Variants in HIVEP1 observed in about 807,000 individuals in gnomAD.
The protein encoded by HIVEP1 is zinc finger protein 40.
Under a neutral mutation model 180.0 loss-of-function variants are expected in HIVEP1, and 36 were observed. The observed-to-expected ratio is 0.20, with a 90% CI of 0.15 to 0.26. HIVEP1 has a LOEUF of 0.26. Among genes scored for constraint, HIVEP1 ranks in the 10% least tolerant of loss-of-function variants. The pLI, the probability that HIVEP1 is intolerant of heterozygous loss-of-function variation, is 1.00. For synonymous variants in HIVEP1, 1,239 were observed against 1,239.0 expected (o/e 1.00, Z 0.00); for missense variants, 3,143 against 3,268.7 (o/e 0.96, Z 0.94).
In HIVEP1 at chr6:12,120,928, A is replaced by T. The variant is rs185829506; in HGVS notation, c.1133A>T (p.His378Leu). 4 of 1,614,142 alleles carry T rather than the reference A, an allele frequency of 2.5e-6. No homozygotes were observed. The highest frequency in any genetic ancestry group is 3.4e-6 in the Non-Finnish European group (4 of 1,180,012). ...SPPMPIYNST[H>L]VASVVNQSVE... ...CCCATGCCAATCTATAATTCAACTC[A>T]TGTTGCCTCTGTTGTTAATCAAAGC... Residue 378 changes from histidine (H) to leucine (L), a missense_variant, in exon 4 of 9, where the codon CAT (histidine) becomes CTT (leucine). Transcript: ENST00000379388.
At chr6:12,127,580 A>C (rs1243261454) in intron 4 of HIVEP1, among the ~76,000 whole-genome samples, 2 of 152,268 alleles carry the variant, frequency 1.3e-5, no homozygotes, top group East Asian at 3.9e-4. Context: ...TAGAGTAGAG[A>C]TTCTTTTGTG....
intron 2 of HIVEP1, among the ~76,000 whole-genome samples, chr6:12,028,813 A>G (rs1015749973): frequency 7.2e-5 from 11 of 152,226 alleles, no homozygotes; most frequent in African/African-American, 2.4e-4. Flanking sequence ...GTCCAGTTTT[A>G]GAACATGTCT....
intron 6 of HIVEP1, 32 bp from the exon 7 acceptor site, chr6:12,135,759 C>A: frequency 1.4e-6 from 2 of 1,410,156 alleles, no homozygotes; most frequent in Non-Finnish European, 2.0e-6. Context: ...AATCATACTA[C>A]TTAAGCTTAG....
chr6:12,009,155 C>A (rs1279172014), upstream of HIVEP1, among the ~76,000 whole-genome samples: 1 of 143,952 alleles, frequency 6.9e-6, no homozygotes. Flanking sequence ...GCTGCCGGGC[C>A]GCGCGCTGGG....
At chr6:12,015,243 G>A (rs955597402) in intron 1 of HIVEP1, among the ~76,000 whole-genome samples, 3 of 152,190 alleles carry the variant, frequency 2.0e-5, no homozygotes, top group East Asian at 3.8e-4. Flanking sequence ...AGCCTGATGC[G>A]ATACTTTACT....
Position 12,138,583 on chromosome 6 carries a change from C to T in HIVEP1, c.6487+2691C>T, listed in dbSNP as rs532686989. On this transcript the variant is annotated intron_variant, in intron 7 of 8. Transcript: ENST00000379388. Reference sequence around the variant, plus strand: ...TGGCTCCTCCTCACCTCCCCAGCCTCTCACATAGGCCCCAGGGCTGTGGCC... The same window carrying T: ...TGGCTCCTCCTCACCTCCCCAGCCTTTCACATAGGCCCCAGGGCTGTGGCC... Among the ~76,000 whole-genome samples, 8 of 152,304 alleles carry T rather than the reference C, an allele frequency of 5.3e-5. No homozygotes were observed. The South Asian group carries it at 1.5e-3, about 28-fold the overall frequency.
intron 2 of HIVEP1, among the ~76,000 whole-genome samples, chr6:12,065,696 T>TGTGTGTGC (rs1561905171): frequency 7.0e-6 from 1 of 142,358 alleles, no homozygotes; most frequent in Non-Finnish European, 1.6e-5. Flanking sequence ...TGTGTGCGTG[T>TGTGTGTGC]GTGTGTGTGT....
chr6:12,047,533 GGCAGCCTAGGTCACATCGCGGGTCTC>G lies in HIVEP1; in HGVS notation c.40+31866_40+31891del, dbSNP rs1770220711. Among the ~76,000 whole-genome samples the G allele has an allele frequency of 5.3e-5, 8 of 152,358 alleles. No individual in the cohort carries two copies. In the South Asian group the frequency reaches 1.7e-3, roughly 32 times the overall value. Reference sequence around the variant, plus strand: ...GGGAGACAGGTTCATGGTAGCCCTGGGCAGCCTAGGTCACATCGCGGGTCTCACAGCCACTGGAGCAGAGGTGCTAC... The same window carrying G: ...GGGAGACAGGTTCATGGTAGCCCTGGACAGCCACTGGAGCAGAGGTGCTAC... On this transcript the variant is annotated intron_variant, in intron 2 of 8. Coordinates refer to ENST00000379388, the MANE Select transcript of HIVEP1 (RefSeq NM_002114.4).
intron 6 of HIVEP1, among the ~76,000 whole-genome samples, chr6:12,132,152 T>C (rs564888873): frequency 6.6e-6 from 1 of 152,294 alleles, no homozygotes; most frequent in African/African-American, 2.4e-5. Flanking sequence ...ATGTAGAACC[T>C]CCCTCTGTCA....
the HIVEP1 span, among the ~76,000 whole-genome samples, chr6:12,177,318 C>T: frequency 6.6e-6 from 1 of 152,020 alleles, no homozygotes; most frequent in East Asian, 1.9e-4. Context: ...ACCTAAAATA[C>T]AAGTTAAAAA....
chr6:12,184,228 C>T, the HIVEP1 span, among the ~76,000 whole-genome samples: 1 of 152,198 alleles, frequency 6.6e-6, no homozygotes, highest in Non-Finnish European at 1.5e-5. Flanking sequence ...GATTTTTGAT[C>T]TCTCAAAGCC....
At chr6:12,130,626 T>G in intron 5 of HIVEP1, 141 bp from the exon 6 acceptor site, 1 of 512,882 alleles carries the variant, frequency 1.9e-6, no homozygotes, top group Non-Finnish European at 3.5e-6. Context: ...GCTGGAATAT[T>G]CTGTTACACA....
At position 12,122,419 on chromosome 6, in the gene HIVEP1, A is replaced by G. The variant is rs762898920; in HGVS notation, c.2624A>G (p.Tyr875Cys). The G allele has an allele frequency of 1.9e-5, 30 of 1,614,106 alleles. No homozygotes were observed. The highest frequency in any genetic ancestry group is 9.9e-5 in the South Asian group (9 of 91,096). Residue 875 changes from tyrosine (Y) to cysteine (C), a missense_variant, in exon 4 of 9, where the codon TAT (tyrosine) becomes TGT (cysteine). Around this residue, in one of 12 missense-constraint regions of HIVEP1, gnomAD observed 204 missense variants for 243.7 expected, o/e 0.84. Transcript: ENST00000379388. ...TTTGATGACAAAATTGGCGCTTTCT[A>G]TGATGATGTCTTTGTATCGGGACCT... ...QSFDDKIGAF[Y>C]DDVFVSGPNA...
chr6:12,123,281 C>G lies in HIVEP1; in HGVS notation c.3486C>G (p.Phe1162Leu). ...TTGAAAGAGCCTCCCCAGTTTCTTT[C>G]CAGGAGCTGAATAGAACGGGGAAGT... ...EPFERASPVS[F>L]QELNRTGKSG... The change falls in exon 4 of 9, where the codon TTC becomes TTG. Residue 1162 changes from phenylalanine to leucine, a missense_variant. Phe to Leu is a conservative substitution (Grantham distance 22). Transcript: ENST00000379388. 1.2e-6 allele frequency: 2 copies of G among 1,614,166 alleles called. No individual in the cohort carries two copies. The highest frequency in any genetic ancestry group is 1.7e-6 in the Non-Finnish European group (2 of 1,180,032).
At chr6:12,170,718 C>T in the HIVEP1 span, among the ~76,000 whole-genome samples, 493 of 152,186 alleles carry the variant, frequency 3.2e-3, 3 homozygotes, top group African/African-American at 0.011. Flanking sequence ...ACGGTGGGCT[C>T]GTCAAGTGGA....
intron 2 of HIVEP1, among the ~76,000 whole-genome samples, chr6:12,060,516 G>A (rs566616333): frequency 6.6e-6 from 1 of 152,280 alleles, no homozygotes; most frequent in South Asian, 2.1e-4. Flanking sequence ...AAGAAACAAT[G>A]CATATTAAGT....
intron 3 of HIVEP1, among the ~76,000 whole-genome samples, chr6:12,104,012 G>C (rs1561941849): frequency 6.6e-6 from 1 of 152,112 alleles, no homozygotes; most frequent in African/African-American, 2.4e-5. Context: ...TACATTGTTG[G>C]TGTAGAGGTG....
At chr6:12,150,404 T>C (rs1273676989) in intron 7 of HIVEP1, among the ~76,000 whole-genome samples, 1 of 152,222 alleles carries the variant, frequency 6.6e-6, no homozygotes, top group Non-Finnish European at 1.5e-5. Context: ...TATGACGAAG[T>C]GCAGTGAGAA....
At chr6:12,042,221 A>C (rs1469294451) in intron 2 of HIVEP1, among the ~76,000 whole-genome samples, 1 of 150,146 alleles carries the variant, frequency 6.7e-6, no homozygotes, top group East Asian at 1.9e-4. Flanking sequence ...CTGGGACTAC[A>C]GGCGCCCGCC....
Sources: gnomAD v4.1 joint callset for allele counts (sites outside exome capture counted in the v4.1 genomes callset) on GRCh38, gnomAD v4.1.1 for gene constraint, gnomAD v4.1.1 regional missense constraint, MANE v1.5 for transcripts, NCBI Gene and HGNC (gene_info 2026-07-23, HGNC 2026-07-21) for gene names.